Variants in ALMS1 observed in about 807,000 individuals in gnomAD.
ALMS1 encodes centrosome-associated protein ALMS1.
In ALMS1, 271 loss-of-function variants were observed where a neutral mutation model predicts 352.2. The observed-to-expected ratio is 0.77, with a 90% confidence interval of 0.70 to 0.85. ALMS1 has a LOEUF of 0.85. ALMS1 is among the 40% of genes least tolerant of loss of function. The pLI, the probability that ALMS1 is intolerant of heterozygous loss-of-function variation, is 0.00. For missense variants in ALMS1, 5,445 were observed against 4,870.7 expected, an observed-to-expected ratio of 1.12 and a Z score of -3.51; for synonymous variants, 1,865 against 1,761.2, an observed-to-expected ratio of 1.06 and a Z score of -1.48.
intron 1 of ALMS1, among the ~76,000 whole-genome samples, chr2:73,398,498 G>C (rs1452211324): frequency 2.6e-5 from 4 of 152,144 alleles, no homozygotes; most frequent in Admixed American, 6.5e-5. Flanking sequence ...CTGGGATTTT[G>C]ATTGGGATTG....
chr2:73,385,758 A>C, upstream of ALMS1: 3 of 539,676 alleles, frequency 5.6e-6, no homozygotes, highest in Non-Finnish European at 6.5e-6. Flanking sequence ...GGCCCCGCCC[A>C]GGCGGGCGGC....
rs372211401 is a variant in ALMS1 at position 73,601,393 on chromosome 2, C to T, written c.12071C>T (p.Ala4024Val). The T allele has an allele frequency of 1.2e-6, 2 of 1,613,966 alleles. No individual in the cohort carries two copies. Among genetic ancestry groups the T allele is most frequent in the African/African-American group, 2.7e-5 (2 of 74,930 alleles). The change falls in exon 19 of 23, where the codon GCT becomes GTT. Residue 4024 changes from alanine (A) to valine (V), a missense_variant. Ala to Val is a moderately conservative substitution (Grantham distance 64). Coordinates refer to ENST00000613296, the MANE Select transcript of ALMS1 (RefSeq NM_001378454.1). ...RGYLAGPGRE[A>V]GRDLLRPFVR... is the part of the protein sequence containing the mutation. The stretch of plus-strand genomic sequence containing the variant: ...TACCTGGCAGGCCCAGGCAGAGAGG[C>T]TGGCAGAGACCTACTGAGGCCATTT...
intron 7 of ALMS1, among the ~76,000 whole-genome samples, chr2:73,439,082 CTTCT>C (rs1671663998): frequency 1.6e-5 from 2 of 127,920 alleles, no homozygotes; most frequent in Non-Finnish European, 3.3e-5. Flanking sequence ...CCTCTTTTTT[CTTCT>C]TTCTTCTTTC....
At chr2:73,478,656 G>T (rs1034328680) in intron 9 of ALMS1, among the ~76,000 whole-genome samples, 1 of 150,012 alleles carries the variant, frequency 6.7e-6, no homozygotes, top group Non-Finnish European at 1.5e-5. Context: ...TAATTTATTC[G>T]TTTATTTATT....
At chr2:73,549,854 C>CGTTTGTTT (rs897166895) in intron 12 of ALMS1, among the ~76,000 whole-genome samples, 5 of 151,676 alleles carry the variant, frequency 3.3e-5, no homozygotes, top group African/African-American at 9.7e-5. Flanking sequence ...TTTGTTTGTT[C>CGTTTGTTT]GTTTGTTTGT....
intron 10 of ALMS1, among the ~76,000 whole-genome samples, chr2:73,499,831 C>G (rs1457401263): frequency 6.6e-6 from 1 of 152,038 alleles, no homozygotes; most frequent in East Asian, 1.9e-4. Context: ...CGTAGTTCAC[C>G]CAAGAGCTGG....
chr2:73,439,839 A>G (rs919850446), intron 7 of ALMS1, among the ~76,000 whole-genome samples: 6 of 152,044 alleles, frequency 3.9e-5, no homozygotes, highest in African/African-American at 9.7e-5. Context: ...TATTTATACA[A>G]TTTATACCTA....
In ALMS1 at chr2:73,519,954, C is replaced by T; in HGVS notation, c.9719C>T (p.Ala3240Val). 3.1e-6 allele frequency: 5 copies of T among 1,614,118 alleles called. No individual in the cohort carries two copies. The highest frequency in any genetic ancestry group is 1.1e-5 in the South Asian group (1 of 91,084). ...IEPGNQKLRK[A>V]PVKFASSSSV... is the part of the protein sequence containing the mutation. ...CCTGGTAACCAGAAGCTACGCAAAG[C>T]TCCTGTCAAGTTTGCCTCATCATCT... The change falls in exon 11 of 23, where the codon GCT becomes GTT. Residue 3240 changes from alanine to valine, a missense_variant. By Grantham distance (64) the Ala-to-Val change is moderately conservative. Coordinates refer to ENST00000613296, the MANE Select transcript of ALMS1 (RefSeq NM_001378454.1).
intron 9 of ALMS1, among the ~76,000 whole-genome samples, chr2:73,465,413 G>A (rs1672312762): frequency 6.6e-6 from 1 of 152,122 alleles, no homozygotes; most frequent in Admixed American, 6.5e-5. Flanking sequence ...AATAAATGGT[G>A]CTGGGAAAAC....
At chr2:73,585,888 C>G (rs1675301395) in intron 16 of ALMS1, among the ~76,000 whole-genome samples, 1 of 152,090 alleles carries the variant, frequency 6.6e-6, no homozygotes, top group Non-Finnish European at 1.5e-5. Context: ...ACCACCACGC[C>G]TGGCCAATTT....
At chr2:73,491,776 A>G (rs1037357083) in intron 10 of ALMS1, among the ~76,000 whole-genome samples, 2 of 152,200 alleles carry the variant, frequency 1.3e-5, no homozygotes, top group Admixed American at 6.5e-5. Context: ...TGATCATCCA[A>G]TGATACAATT....
At chr2:73,594,876 G>A (rs1192550716) in intron 16 of ALMS1, among the ~76,000 whole-genome samples, 1 of 152,080 alleles carries the variant, frequency 6.6e-6, no homozygotes, top group Non-Finnish European at 1.5e-5. Flanking sequence ...GCTTTCCTGG[G>A]TATAAGTTTG....
rs188087338 is a variant in ALMS1 at position 73,506,245 on chromosome 2, T to G, written c.9540-13530T>G. Among the ~76,000 whole-genome samples the G allele has an allele frequency of 3.4e-3, 521 of 152,302 alleles. 7 individuals are homozygous for G. The highest frequency in any genetic ancestry group is 0.031 in the Admixed American group (478 of 15,288). On this transcript the variant is annotated intron_variant, in intron 10 of 22. Transcript: ENST00000613296. ...ATGATGCCTCCAGCTTTGTTCTTTT[T>G]GCTTAGGATTGTTGTGGCTATACGG...
chr2:73,531,702 C>G (rs537335331), intron 11 of ALMS1, among the ~76,000 whole-genome samples: 2 of 152,348 alleles, frequency 1.3e-5, no homozygotes, highest in South Asian at 4.1e-4. Context: ...CTACCTGAGA[C>G]TGGTAATTTA....
At chr2:73,468,317 A>G (rs1278799460) in intron 9 of ALMS1, among the ~76,000 whole-genome samples, 1 of 152,008 alleles carries the variant, frequency 6.6e-6, no homozygotes, top group African/African-American at 2.4e-5. Context: ...AAGACTCTAT[A>G]TCCACCTAGC....
chr2:73,602,716 C>T (rs1007222987), intron 20 of ALMS1, among the ~76,000 whole-genome samples: 1 of 152,186 alleles, frequency 6.6e-6, no homozygotes, highest in East Asian at 1.9e-4. Context: ...TAATAATAAA[C>T]ACATAGTCCT....
At position 73,452,132 on chromosome 2, in the gene ALMS1, ACTGAAGT is replaced by A; in HGVS notation, c.5606_5612del (p.Thr1869LysfsTer3). 1 of 1,608,944 alleles carries A rather than the reference ACTGAAGT, an allele frequency of 6.2e-7. No individual in the cohort carries two copies. Among genetic ancestry groups the A allele is most frequent in the Non-Finnish European group, 8.5e-7 (1 of 1,176,658 alleles). On this transcript the variant is annotated frameshift_variant, in exon 8 of 23. Coordinates refer to ENST00000613296, the MANE Select transcript of ALMS1 (RefSeq NM_001378454.1). LOFTEE classifies it high-confidence loss of function. Reference sequence around the variant, plus strand: ...TTATGAGCAGGAGTTGCCAGATCTTACTGAAGTAACTTTGAAAGCAATAGGGGTTCCT... The same window carrying A: ...TTATGAGCAGGAGTTGCCAGATCTTAAACTTTGAAAGCAATAGGGGTTCCT...
In ALMS1 at chr2:73,449,704, G is replaced by C. The variant is rs766133181; in HGVS notation, c.3177G>C (p.Leu1059Phe). 5 of 1,613,808 alleles carry C rather than the reference G, an allele frequency of 3.1e-6. No homozygotes were observed. In the South Asian group the frequency reaches 4.4e-5, roughly 14 times the overall value. Residue 1059 changes from leucine (L) to phenylalanine (F), a missense_variant, in exon 8 of 23, where the codon TTG becomes TTC. Coordinates refer to ENST00000613296, the MANE Select transcript of ALMS1 (RefSeq NM_001378454.1). ...SYPQREKPSV[L>F]YPQVLSDSHL... The stretch of plus-strand genomic sequence containing the variant: ...CACAGAGGGAGAAGCCTAGTGTTTT[G>C]TACCCACAGGTGTTATCAGACAGTC...
At chr2:73,532,120 TGAGCTGCTTG>T (rs1324045289) in intron 11 of ALMS1, among the ~76,000 whole-genome samples, 1 of 152,380 alleles carries the variant, frequency 6.6e-6, no homozygotes. Flanking sequence ...GTCTCTGTGC[TGAGCTGCTTG>T]GAGCTGCTGT....
Sources: allele counts gnomAD v4.1 joint callset (sites outside exome capture counted in the v4.1 genomes callset), GRCh38; gene constraint gnomAD v4.1.1; transcripts MANE v1.5; gene names NCBI Gene and HGNC (gene_info 2026-07-23, HGNC 2026-07-21).